DDI1: variants seen among roughly 807,000 people sequenced by gnomAD.
DDI1 encodes protein DDI1 homolog 1.
Under a neutral mutation model 7.2 loss-of-function variants are expected in DDI1, and 6 were observed. The observed-to-expected ratio is 0.83, with a 90% CI of 0.46 to 1.64. The LOEUF (loss-of-function observed/expected upper bound fraction) is 1.64. DDI1 is among the 40% of genes most tolerant of loss of function. The pLI is 0.01. For synonymous variants in DDI1, 221 were observed against 201.7 expected (o/e 1.10, Z -0.81); for missense variants, 502 against 516.6 (o/e 0.97, Z 0.27).
In DDI1 at chr11:104,036,766, A is replaced by G. The variant is rs879230427; in HGVS notation, c.-57A>G. 28 of 1,421,974 alleles carry G rather than the reference A, an allele frequency of 2.0e-5. No individual in the cohort carries two copies. In the Admixed American group the frequency reaches 5.1e-4, roughly 26 times the overall value. The allele number at this position is 1,421,974 out of a possible 1,614,324, so 88.1% of individuals were successfully genotyped here. On this transcript the variant is annotated 5_prime_UTR_variant, in exon 1 of 1. Coordinates refer to ENST00000302259, the MANE Select transcript of DDI1 (RefSeq NM_001001711.3). ...GGCACCAACGACGCAGGCCCGCCCCAGCCCGCCAGTGAGCCGCCCATGCCC... is the reference window on the plus strand; with the variant it reads ...GGCACCAACGACGCAGGCCCGCCCCGGCCCGCCAGTGAGCCGCCCATGCCC...
rs772836223 is a variant in DDI1 at position 104,037,144 on chromosome 11, C to T, written c.322C>T (p.Arg108Cys). The change falls in exon 1 of 1, where the codon CGT (arginine) becomes TGT (cysteine). Residue 108 changes from arginine (R) to cysteine (C), a missense_variant. Arg to Cys is a radical substitution (Grantham distance 180). Coordinates refer to ENST00000302259, the MANE Select transcript of DDI1 (RefSeq NM_001001711.3). ...TGCGGTGCCTGGGACGTCCAGCTCC[C>T]GTCCACAGCACCCTGGACAGCAGCA... ...GIAVPGTSSS[R>C]PQHPGQQQQR... The T allele has an allele frequency of 5.6e-6, 9 of 1,613,710 alleles. No homozygotes were observed. In the East Asian group the frequency reaches 6.7e-5, roughly 12 times the overall value.
In DDI1 at chr11:104,037,985, T is replaced by G. The variant is rs745370740; in HGVS notation, c.1163T>G (p.Val388Gly). ...ESSDKEITHS[V>G]MDSGRKEH ...TCGGACAAGGAAATTACACATTCAG[T>G]CATGGATTCAGGACGAAAAGAGCAT... Residue 388 changes from valine to glycine, a missense_variant, in exon 1 of 1, where the codon GTC (valine) becomes GGC (glycine). Val to Gly is a moderately radical substitution (Grantham distance 109). Transcript: ENST00000302259. 6.2e-6 allele frequency: 10 copies of G among 1,613,596 alleles called. No homozygotes were observed. Among genetic ancestry groups the G allele is most frequent in the Non-Finnish European group, 8.5e-6 (10 of 1,179,684 alleles).
rs780308662 is a variant in DDI1 at position 104,036,905 on chromosome 11, G to A, written c.83G>A (p.Arg28Gln). The A allele has an allele frequency of 6.8e-6, 11 of 1,614,164 alleles. No homozygotes were observed. The highest frequency in any genetic ancestry group is 9.3e-6 in the Non-Finnish European group (11 of 1,180,036). Residue 28 changes from arginine to glutamine, a missense_variant, in exon 1 of 1, where the codon CGA becomes CAA. Coordinates refer to ENST00000302259, the MANE Select transcript of DDI1 (RefSeq NM_001001711.3). Reference sequence around the variant, plus strand: ...CAGGTCAGCCCCGACTTTGAGCTCCGAAACTTCAAGGTCCTCTGCGAAGCG... The same window carrying A: ...CAGGTCAGCCCCGACTTTGAGCTCCAAAACTTCAAGGTCCTCTGCGAAGCG... Reference protein sequence around the residue: ...SLQVSPDFELRNFKVLCEAES... With the variant: ...SLQVSPDFELQNFKVLCEAES...
Position 104,037,419 on chromosome 11 carries a change from T to C in DDI1, c.597T>C (p.Arg199=). The change falls in exon 1 of 1, where the codon CGT becomes CGC. Residue 199 remains arginine (R), a synonymous_variant. Coordinates refer to ENST00000302259, the MANE Select transcript of DDI1 (RefSeq NM_001001711.3). ...CCTTGAGAGAGCAAGAGAGGCTTCG[T>C]CTCTACACAGCCGACCCACTGGATC... ...EKALREQERL[R]LYTADPLDRE... 6.2e-7 allele frequency: 1 copy of C among 1,613,970 alleles called. No homozygotes were observed. The highest frequency in any genetic ancestry group is 8.5e-7 in the Non-Finnish European group (1 of 1,180,014).
rs2134395690 is a variant in DDI1 at position 104,037,511 on chromosome 11, C to T, written c.689C>T (p.Ala230Val). Reference sequence around the variant, plus strand: ...AACATTGAAGAAAACATGAATATAGCGATAGAAGAGGCCCCCGAGAGTTTT... The same window carrying T: ...AACATTGAAGAAAACATGAATATAGTGATAGAAGAGGCCCCCGAGAGTTTT... ...QQNIEENMNI[A>V]IEEAPESFGQ... The change falls in exon 1 of 1, where the codon GCG becomes GTG. Residue 230 changes from alanine (A) to valine (V), a missense_variant. Ala to Val is a moderately conservative substitution (Grantham distance 64). Coordinates refer to ENST00000302259, the MANE Select transcript of DDI1 (RefSeq NM_001001711.3). The T allele has an allele frequency of 2.5e-6, 4 of 1,614,040 alleles. No homozygotes were observed. The highest frequency in any genetic ancestry group is 2.5e-6 in the Non-Finnish European group (3 of 1,180,030).
rs756234257 is a variant in DDI1, at chr11:104,037,599, T to C, written c.777T>C (p.Val259=). The C allele has an allele frequency of 1.9e-6, 3 of 1,614,084 alleles. No individual in the cohort carries two copies. In the South Asian group the frequency reaches 3.3e-5, roughly 18 times the overall value. Residue 259 remains valine, a synonymous_variant, in exon 1 of 1, where the codon GTT becomes GTC. Coordinates refer to ENST00000302259, the MANE Select transcript of DDI1 (RefSeq NM_001001711.3). ...KVNGHPLKAF[V]DSGAQMTIMS... is the part of the protein sequence containing the mutation. ...ATGGGCATCCTTTGAAGGCTTTTGTTGACTCGGGCGCCCAGATGACCATTA... is the reference window on the plus strand; with the variant it reads ...ATGGGCATCCTTTGAAGGCTTTTGTCGACTCGGGCGCCCAGATGACCATTA...
In DDI1 at chr11:104,037,595, T is replaced by C; in HGVS notation, c.773T>C (p.Phe258Ser). The C allele has an allele frequency of 6.2e-7, 1 of 1,614,032 alleles. No homozygotes were observed. The highest frequency in any genetic ancestry group is 8.5e-7 in the Non-Finnish European group (1 of 1,179,996). ...GTGAATGGGCATCCTTTGAAGGCTT[T>C]TGTTGACTCGGGCGCCCAGATGACC... Reference protein sequence around the residue: ...CKVNGHPLKAFVDSGAQMTIM... With the variant: ...CKVNGHPLKASVDSGAQMTIM... The change falls in exon 1 of 1, where the codon TTT becomes TCT. Residue 258 changes from phenylalanine to serine, a missense_variant. Physicochemically the swap from Phe to Ser is radical, Grantham distance 155. Coordinates refer to ENST00000302259, the MANE Select transcript of DDI1 (RefSeq NM_001001711.3).
chr11:104,037,619 C>A lies in DDI1; in HGVS notation c.797C>A (p.Thr266Asn). The A allele has an allele frequency of 3.7e-6, 6 of 1,614,018 alleles. No homozygotes were observed. The highest frequency in any genetic ancestry group is 5.1e-6 in the Non-Finnish European group (6 of 1,180,026). The change falls in exon 1 of 1, where the codon ACC becomes AAC. Residue 266 changes from threonine to asparagine, a missense_variant. Physicochemically the swap from Thr to Asn is moderately conservative, Grantham distance 65. Transcript: ENST00000302259. ...TTTGTTGACTCGGGCGCCCAGATGA[C>A]CATTATGAGCCAGGCTTGTGCCGAG... ...KAFVDSGAQM[T>N]IMSQACAERC...
chr11:104,037,857 G>C lies in DDI1; in HGVS notation c.1035G>C (p.Lys345Asn). Residue 345 changes from lysine (K) to asparagine (N), a missense_variant, in exon 1 of 1, where the codon AAG becomes AAC. Lys to Asn is a moderately conservative substitution (Grantham distance 94). Transcript: ENST00000302259. ...LRRHQCSIDL[K>N]KNVLVIGTTG... is the part of the protein sequence containing the mutation. ...GACATCAATGTTCCATCGATTTGAA[G>C]AAAAATGTGCTGGTCATCGGCACCA... is the stretch of plus-strand genomic sequence containing the variant. 1 of 1,614,146 alleles carries C rather than the reference G, an allele frequency of 6.2e-7. No homozygotes were observed. Among genetic ancestry groups the C allele is most frequent in the Non-Finnish European group, 8.5e-7 (1 of 1,180,022 alleles).
Position 104,037,536 on chromosome 11 carries a change from T to G in DDI1, c.714T>G (p.Phe238Leu). The G allele has an allele frequency of 6.2e-7, 1 of 1,613,750 alleles. No individual in the cohort carries two copies. The change falls in exon 1 of 1, where the codon TTT becomes TTG. Residue 238 changes from phenylalanine to leucine, a missense_variant. By Grantham distance (22) the Phe-to-Leu change is conservative (BLOSUM62 0). Coordinates refer to ENST00000302259, the MANE Select transcript of DDI1 (RefSeq NM_001001711.3). Reference protein sequence around the residue: ...NIAIEEAPESFGQVTMLYINC... With the variant: ...NIAIEEAPESLGQVTMLYINC... ...CGATAGAAGAGGCCCCCGAGAGTTT[T>G]GGACAAGTGACGATGCTCTACATTA...
Position 104,037,121 on chromosome 11 carries a change from C to A in DDI1, c.299C>A (p.Ala100Glu). The A allele has an allele frequency of 1.9e-6, 3 of 1,613,954 alleles. No homozygotes were observed. Among genetic ancestry groups the A allele is most frequent in the Non-Finnish European group, 2.5e-6 (3 of 1,180,006 alleles). The change falls in exon 1 of 1, where the codon GCG becomes GAG. Residue 100 changes from alanine (A) to glutamate (E), a missense_variant. By Grantham distance (107) the Ala-to-Glu change is moderately radical. Coordinates refer to ENST00000302259, the MANE Select transcript of DDI1 (RefSeq NM_001001711.3). ...CCTCGTGTAGACTTCAGTGGCATTG[C>A]GGTGCCTGGGACGTCCAGCTCCCGT... ...NQPRVDFSGIAVPGTSSSRPQ... is the reference protein window; with the variant it reads ...NQPRVDFSGIEVPGTSSSRPQ...
Position 104,037,100 on chromosome 11 carries a change from G to C in DDI1, c.278G>C (p.Arg93Pro), listed in dbSNP as rs370289815. The C allele has an allele frequency of 5.1e-5, 82 of 1,614,036 alleles. 1 individual carries two copies. The highest frequency in any genetic ancestry group is 6.5e-5 in the Non-Finnish European group (77 of 1,180,046). The change falls in exon 1 of 1, where the codon CGT (arginine) becomes CCT (proline). Residue 93 changes from arginine (R) to proline (P), a missense_variant. By Grantham distance (103) the Arg-to-Pro change is moderately radical (BLOSUM62 -2). Coordinates refer to ENST00000302259, the MANE Select transcript of DDI1 (RefSeq NM_001001711.3). ...CCAGGGCGTGCCCCGAACCAGCCTC[G>C]TGTAGACTTCAGTGGCATTGCGGTG... The part of the protein sequence containing the change: ...RAPGRAPNQP[R>P]VDFSGIAVPG...
In DDI1 at chr11:104,037,559, T is replaced by C. The variant is rs151313324; in HGVS notation, c.737T>C (p.Ile246Thr). The C allele has an allele frequency of 4.2e-5, 68 of 1,613,936 alleles. No individual in the cohort carries two copies. The African/African-American group carries it at 8.9e-4, about 21-fold the overall frequency. The stretch of plus-strand genomic sequence containing the variant: ...TTTGGACAAGTGACGATGCTCTACA[T>C]TAACTGCAAAGTGAATGGGCATCCT... ...ESFGQVTMLY[I>T]NCKVNGHPLK... Residue 246 changes from isoleucine to threonine, a missense_variant, in exon 1 of 1, where the codon ATT (isoleucine) becomes ACT (threonine). Physicochemically the swap from Ile to Thr is moderately conservative, Grantham distance 89. Coordinates refer to ENST00000302259, the MANE Select transcript of DDI1 (RefSeq NM_001001711.3).
chr11:104,037,036 G>C lies in DDI1; in HGVS notation c.214G>C (p.Val72Leu), dbSNP rs770274476. ...CTACGGCCTCAAAGATGGCGATATCGTGGTTTTACTGCAGAAGGACAATGT... is the reference window on the plus strand; with the variant it reads ...CTACGGCCTCAAAGATGGCGATATCCTGGTTTTACTGCAGAAGGACAATGT... ...GSYGLKDGDIVVLLQKDNVGP... is the reference protein window; with the variant it reads ...GSYGLKDGDILVLLQKDNVGP... Residue 72 changes from valine to leucine, a missense_variant, in exon 1 of 1, where the codon GTG becomes CTG. Coordinates refer to ENST00000302259, the MANE Select transcript of DDI1 (RefSeq NM_001001711.3). The C allele has an allele frequency of 5.6e-6, 9 of 1,614,256 alleles. No homozygotes were observed. Among genetic ancestry groups the C allele is most frequent in the Non-Finnish European group, 6.8e-6 (8 of 1,180,052 alleles).
In DDI1 at chr11:104,037,505, A is replaced by G. The variant is rs143468518; in HGVS notation, c.683A>G (p.Asn228Ser). 1.9e-6 allele frequency: 3 copies of G among 1,614,110 alleles called. No homozygotes were observed. Among genetic ancestry groups the G allele is most frequent in the South Asian group, 2.2e-5 (2 of 91,086 alleles). Residue 228 changes from asparagine to serine, a missense_variant, in exon 1 of 1, where the codon AAT (asparagine) becomes AGT (serine). Asn to Ser is a conservative substitution (Grantham distance 46). Transcript: ENST00000302259. ...CAGCAAAACATTGAAGAAAACATGAATATAGCGATAGAAGAGGCCCCCGAG... is the reference window on the plus strand; with the variant it reads ...CAGCAAAACATTGAAGAAAACATGAGTATAGCGATAGAAGAGGCCCCCGAG... The part of the protein sequence containing the change: ...IRQQNIEENM[N>S]IAIEEAPESF...
In DDI1 at chr11:104,036,780, C is replaced by A; in HGVS notation, c.-43C>A. ...AGGCCCGCCCCAGCCCGCCAGTGAG[C>A]CGCCCATGCCCTCTGCTAGCCCGGC... On this transcript the variant is annotated 5_prime_UTR_variant, in exon 1 of 1. Coordinates refer to ENST00000302259, the MANE Select transcript of DDI1 (RefSeq NM_001001711.3). The A allele has an allele frequency of 1.3e-6, 2 of 1,514,258 alleles. No homozygotes were observed. Among genetic ancestry groups the A allele is most frequent in the African/African-American group, 1.4e-5 (1 of 72,594 alleles). 93.8% of individuals were successfully genotyped at this position (1,514,258 alleles called of 1,614,324 possible). A position where few individuals can be genotyped will look rare whatever the true frequency, so the allele number is the denominator to read the frequency against.
Position 104,036,697 on chromosome 11 carries a change from A to T in DDI1, c.-126A>T. 4.1e-6 allele frequency: 3 copies of T among 739,226 alleles called. No homozygotes were observed. The highest frequency in any genetic ancestry group is 6.8e-6 in the Non-Finnish European group (3 of 438,798). The allele number at this position is 739,226 out of a possible 1,614,324, so 45.8% of individuals were successfully genotyped here. ...AGTGTCCGCGCCTCTCTGAGAGGTG[A>T]ATGAGCCCGGACGGTCCCTACCTAC... On this transcript the variant is annotated 5_prime_UTR_variant, in exon 1 of 1. Transcript: ENST00000302259.
Position 104,038,153 on chromosome 11 carries a change from T to C in DDI1, c.*140T>C. ...CCTTGGGACTACGTTCTCAGATGGG[T>C]AACTAACGTCAATCCTGATTCCTTG... On this transcript the variant is annotated 3_prime_UTR_variant, in exon 1 of 1. Transcript: ENST00000302259. The C allele has an allele frequency of 2.4e-6, 2 of 817,286 alleles. No homozygotes were observed. Among genetic ancestry groups the C allele is most frequent in the South Asian group, 3.8e-5 (2 of 53,000 alleles). The allele number at this position is 817,286 out of a possible 1,614,324, so 50.6% of individuals were successfully genotyped here.
At position 104,037,425 on chromosome 11, in the gene DDI1, C is replaced by T. The variant is rs763397292; in HGVS notation, c.603C>T (p.Tyr201=). 3.7e-6 allele frequency: 6 copies of T among 1,614,120 alleles called. No individual in the cohort carries two copies. The South Asian group carries it at 6.6e-5, about 18-fold the overall frequency. ...ALREQERLRL[Y]TADPLDREAQ... ...GAGAGCAAGAGAGGCTTCGTCTCTA[C>T]ACAGCCGACCCACTGGATCGGGAAG... The change falls in exon 1 of 1, where the codon TAC becomes TAT. Residue 201 remains tyrosine (Y), a synonymous_variant. Transcript: ENST00000302259.
Sources: allele counts gnomAD v4.1 joint callset, GRCh38; gene constraint gnomAD v4.1.1; transcripts MANE v1.5; gene names NCBI Gene and HGNC (gene_info 2026-07-23, HGNC 2026-07-21).